The following RPL19 variants were observed in gnomAD, a reference collection of about 807,000 sequenced individuals.
The protein encoded by RPL19 is large ribosomal subunit protein eL19.
In RPL19, 2 loss-of-function variants were observed where a neutral mutation model predicts 25.1. The ratio of observed to expected loss-of-function variants is 0.08; its 90% confidence interval spans 0.03 to 0.25. The LOEUF (loss-of-function observed/expected upper bound fraction) is 0.25. Ranked by LOEUF, RPL19 falls within the 10% of genes least tolerant of loss-of-function variation. The pLI is 1.00. For synonymous variants in RPL19, 89 were observed against 91.2 expected (o/e 0.98, Z 0.14); for missense variants, 123 against 271.8 (o/e 0.45, Z 3.85).
chr17:39,200,326 C>G lies in RPL19; in HGVS notation c.-19C>G, dbSNP rs754454073. On this transcript the variant is annotated 5_prime_UTR_variant, in exon 1 of 6. Coordinates refer to ENST00000225430, the MANE Select transcript of RPL19 (RefSeq NM_000981.4). ...CGGGCCCGAGCGAGCTCTTTCCTTT[C>G]GCTGCTGCGGCCGCAGCCATGAGGT... 1.9e-6 allele frequency: 3 copies of G among 1,554,162 alleles called. No homozygotes were observed. The highest frequency in any genetic ancestry group is 8.7e-7 in the Non-Finnish European group (1 of 1,151,680).
At chr17:39,203,302 C>T (rs2046303537) in intron 4 of RPL19, among the ~76,000 whole-genome samples, 193 bp downstream of exon 4, 2 of 150,322 alleles carry the variant, frequency 1.3e-5, no homozygotes, top group African/African-American at 4.9e-5. Flanking sequence ...CTGCCTCAGC[C>T]TCTTGAGTAG....
chr17:39,203,242 C>T (rs530083699), intron 4 of RPL19, 133 bp downstream of exon 4: 27 of 914,224 alleles, frequency 3.0e-5, no homozygotes, highest in African/African-American at 1.2e-4. Flanking sequence ...AGTGCAGTGG[C>T]GCGATCTCAG....
In RPL19 at chr17:39,204,672, A is replaced by G; in HGVS notation, c.*24A>G. The stretch of plus-strand genomic sequence containing the variant: ...AAAACCTCCCACTTTGTCTGTACAT[A>G]CTGGCCTCTGTGATTACATAGATCA... On this transcript the variant is annotated 3_prime_UTR_variant, in exon 6 of 6. Transcript: ENST00000225430. 1 of 1,608,320 alleles carries G rather than the reference A, an allele frequency of 6.2e-7. No homozygotes were observed. The highest frequency in any genetic ancestry group is 8.5e-7 in the Non-Finnish European group (1 of 1,176,378).
chr17:39,201,390 A>G (rs983689400), intron 2 of RPL19, 71 bp downstream of exon 2: 19 of 901,658 alleles, frequency 2.1e-5, no homozygotes, highest in East Asian at 1.0e-4. Flanking sequence ...TGATAACACA[A>G]TTGTGTTGAC....
Position 39,204,134 on chromosome 17 carries a change from C to T in RPL19, c.414C>T (p.Leu138=). The change falls in exon 5 of 6, where the codon CTC becomes CTT. Residue 138 remains leucine (L), a synonymous_variant. Coordinates refer to ENST00000225430, the MANE Select transcript of RPL19 (RefSeq NM_000981.4). ...KGNVFKNKRI[L]MEHIHKLKAD... is the part of the protein sequence containing the mutation. ...ATGTGTTCAAAAACAAGCGGATTCTCATGGAACACATCCACAAGCTGAAGG... is the reference window on the plus strand; with the variant it reads ...ATGTGTTCAAAAACAAGCGGATTCTTATGGAACACATCCACAAGCTGAAGG... 4 of 1,613,594 alleles carry T rather than the reference C, an allele frequency of 2.5e-6. No homozygotes were observed. Among genetic ancestry groups the T allele is most frequent in the Non-Finnish European group, 3.4e-6 (4 of 1,179,596 alleles).
intron 3 of RPL19, 36 bp downstream of exon 3, chr17:39,202,475 G>A (rs775897096): frequency 2.5e-6 from 4 of 1,610,520 alleles, no homozygotes; most frequent in Admixed American, 3.3e-5. Context: ...GAAATGATAG[G>A]TGCTGGCATC....
rs1567820768 is a variant in RPL19 at position 39,200,365 on chromosome 17, TCTC to T, written c.5+18_5+20del. The T allele has an allele frequency of 9.6e-6, 15 of 1,565,628 alleles. No individual in the cohort carries two copies. Among genetic ancestry groups the T allele is most frequent in the Non-Finnish European group, 1.3e-5 (15 of 1,158,074 alleles). On this transcript the variant is annotated intron_variant, in intron 1 of 5. Transcript: ENST00000225430. ...CAGCCATGAGGTGAGGGCGAGCTGG[TCTC>T]CATCAGGCGCTGACGCGTGTCGACA...
intron 1 of RPL19, 198 bp downstream of exon 1, chr17:39,200,547 A>G (rs2046279342): frequency 1.5e-6 from 2 of 1,298,464 alleles, no homozygotes; most frequent in Non-Finnish European, 2.0e-6. Flanking sequence ...AGCAACTGAG[A>G]CCAGGAAAAG....
intron 5 of RPL19, 44 bp from the exon 6 acceptor site, chr17:39,204,481 T>C (rs1239643009): frequency 6.2e-7 from 1 of 1,610,788 alleles, no homozygotes; most frequent in Non-Finnish European, 8.5e-7. Context: ...CCCTAGCATC[T>C]CATCTCTTCC....
In RPL19 at chr17:39,201,344, C is replaced by G. The variant is rs780984710; in HGVS notation, c.112+25C>G. On this transcript the variant is annotated intron_variant, in intron 2 of 5. Coordinates refer to ENST00000225430, the MANE Select transcript of RPL19 (RefSeq NM_000981.4). ...CGTGAGTACCTGGGATCTGTCTCTT[C>G]ACCCTACTTCCTTCTTTTCTCCTGC... 3.1e-6 allele frequency: 4 copies of G among 1,287,588 alleles called. No individual in the cohort carries two copies. The African/African-American group carries it at 5.9e-5, about 19-fold the overall frequency. 79.8% of individuals were successfully genotyped at this position (1,287,588 alleles called of 1,614,324 possible).
At position 39,202,944 on chromosome 17, in the gene RPL19, A is replaced by G. The variant is rs1307425453; in HGVS notation, c.236-45A>G. 3.1e-6 allele frequency: 5 copies of G among 1,612,064 alleles called. No homozygotes were observed. The Admixed American group carries it at 8.3e-5, about 27-fold the overall frequency. On this transcript the variant is annotated intron_variant, in intron 3 of 5. Transcript: ENST00000225430. ...ATATTCACTTGGTGTACTTATACAC[A>G]GTGGGCCTGGGTAGTGGCCCGTTCC...
In RPL19 at chr17:39,203,029, G is replaced by C; in HGVS notation, c.276G>C (p.Lys92Asn). 1 of 1,613,984 alleles carries C rather than the reference G, an allele frequency of 6.2e-7. No homozygotes were observed. Among genetic ancestry groups the C allele is most frequent in the Non-Finnish European group, 8.5e-7 (1 of 1,179,970 alleles). Residue 92 changes from lysine (K) to asparagine (N), a missense_variant, in exon 4 of 6, where the codon AAG (lysine) becomes AAC (asparagine). Coordinates refer to ENST00000225430, the MANE Select transcript of RPL19 (RefSeq NM_000981.4). ...CAGCCAATGCCCGAATGCCAGAGAA[G>C]GTCACATGGATGAGGAGAATGAGGA... ...KGTANARMPE[K>N]VTWMRRMRIL... is the part of the protein sequence containing the mutation.
chr17:39,204,467 G>C (rs2046310778), intron 5 of RPL19, 58 bp from the exon 6 acceptor site: 3 of 1,599,670 alleles, frequency 1.9e-6, no homozygotes, highest in Admixed American at 3.4e-5. Context: ...ATGTGCTTCT[G>C]TCTCCCTAGC....
rs567678642 is a variant in RPL19, at chr17:39,200,518, G to C, written c.5+169G>C. 74 of 1,299,284 alleles carry C rather than the reference G, an allele frequency of 5.7e-5. No homozygotes were observed. In the Middle Eastern group the frequency reaches 8.9e-4, roughly 16 times the overall value. The allele number at this position is 1,299,284 out of a possible 1,614,324, so 80.5% of individuals were successfully genotyped here. On this transcript the variant is annotated intron_variant, in intron 1 of 5. Transcript: ENST00000225430. ...TTTCGTCCCGGGCCTCCGGAGTGAG[G>C]GGGGGCGGGGAGCGTCGCAGCAACT... is the stretch of plus-strand genomic sequence containing the variant.
intron 2 of RPL19, among the ~76,000 whole-genome samples, 169 bp downstream of exon 2, chr17:39,201,488 G>A (rs537971985): frequency 1.3e-5 from 2 of 151,724 alleles, no homozygotes; most frequent in Admixed American, 1.3e-4. Context: ...CTGCTCCCAG[G>A]CTCAAGTGAT....
In RPL19 at chr17:39,201,140, A is replaced by G. The variant is rs183732775; in HGVS notation, c.6-73A>G. On this transcript the variant is annotated intron_variant, in intron 1 of 5. Coordinates refer to ENST00000225430, the MANE Select transcript of RPL19 (RefSeq NM_000981.4). ...GGCTGTGGTGTGGGTCACAAAGGGC[A>G]GGTCTTGATGGGGACGTTCATTCTT... The G allele has an allele frequency of 8.9e-4, 838 of 943,640 alleles. 1 individual carries two copies. Among genetic ancestry groups the G allele is most frequent in the Admixed American group, 1.8e-3 (90 of 51,274 alleles). 58.5% of individuals were successfully genotyped at this position (943,640 alleles called of 1,614,324 possible).
At chr17:39,200,663 C>G (rs886483982) in intron 1 of RPL19, 30 of 1,142,382 alleles carry the variant, frequency 2.6e-5, no homozygotes, top group Admixed American at 8.9e-5. Context: ...GCTTGGCACA[C>G]CCGGAGCGGA....
chr17:39,202,794 C>T (rs139952986), intron 3 of RPL19, 195 bp from the exon 4 acceptor site: 1 of 645,324 alleles, frequency 1.5e-6, no homozygotes, highest in African/African-American at 1.8e-5. Context: ...TGTATTTGTG[C>T]TTCCTTTAAA....
intron 5 of RPL19, 63 bp from the exon 6 acceptor site, chr17:39,204,462 C>T: frequency 6.3e-7 from 1 of 1,593,400 alleles, no homozygotes. Flanking sequence ...TGGGGATGTG[C>T]TTCTGTCTCC....
Sources: gnomAD v4.1 joint callset for allele counts (sites outside exome capture counted in the v4.1 genomes callset) on GRCh38, gnomAD v4.1.1 for gene constraint, MANE v1.5 for transcripts, NCBI Gene and HGNC (gene_info 2026-07-23, HGNC 2026-07-21) for gene names.